Variants in VPS13B observed in about 807,000 individuals in gnomAD.
VPS13B encodes the protein intermembrane lipid transfer protein VPS13B.
In VPS13B, 285 loss-of-function variants were observed where a neutral mutation model predicts 426.4. The observed-to-expected ratio is 0.67, with a 90% CI of 0.61 to 0.74. The LOEUF (loss-of-function observed/expected upper bound fraction) is 0.74, where lower values mean the gene tolerates loss of function less well. Ranked by LOEUF, VPS13B falls within the 30% of genes least tolerant of loss-of-function variation. The pLI, the probability that VPS13B is intolerant of heterozygous loss-of-function variation, is 0.00. For synonymous variants in VPS13B, 1,676 were observed against 1,676.4 expected (o/e 1.00, Z 0.01); for missense variants, 4,537 against 4,782.6 (o/e 0.95, Z 1.51).
chr8:99,247,153 G>A (rs1817268066), intron 17 of VPS13B, among the ~76,000 whole-genome samples: 1 of 151,952 alleles, frequency 6.6e-6, no homozygotes, highest in Non-Finnish European at 1.5e-5. Flanking sequence ...GGGACAGTGT[G>A]GAGCTTTTGC....
rs60664170 is a variant in VPS13B at position 99,111,080 on chromosome 8, GT to G, written c.581-9del. On this transcript the variant is annotated splice_polypyrimidine_tract_variant and intron_variant, in intron 5 of 61. Coordinates refer to ENST00000357162, the MANE Select transcript of VPS13B (RefSeq NM_152564.5). ...GCTAATTTTCCTTTTTACTTAAAAT[GT>G]TTTTTTTTCTTTTTAGCAACTGATT... 30 of 1,569,426 alleles carry G rather than the reference GT, an allele frequency of 1.9e-5. No individual in the cohort carries two copies. The highest frequency in any genetic ancestry group is 1.7e-4 in the Middle Eastern group (1 of 5,716).
chr8:99,048,715 T>A (rs1843361723), intron 3 of VPS13B, among the ~76,000 whole-genome samples: 1 of 151,794 alleles, frequency 6.6e-6, no homozygotes, highest in African/African-American at 2.4e-5. Flanking sequence ...CTCAGGGGGC[T>A]GAGGCAGGAG....
intron 34 of VPS13B, among the ~76,000 whole-genome samples, chr8:99,654,402 G>T (rs1323961931): frequency 3.3e-5 from 5 of 152,094 alleles, no homozygotes; most frequent in Non-Finnish European, 7.4e-5. Context: ...AATTTAACTT[G>T]CAGGCTTTAT....
intron 8 of VPS13B, 141 bp downstream of exon 8, chr8:99,121,586 A>G (rs1847935847): frequency 2.1e-6 from 3 of 1,457,982 alleles, no homozygotes; most frequent in South Asian, 3.0e-5. Flanking sequence ...ACTTCATAAA[A>G]TTACATGGCT....
chr8:99,438,987 T>C (rs1817546165), intron 22 of VPS13B, among the ~76,000 whole-genome samples: 1 of 152,206 alleles, frequency 6.6e-6, no homozygotes, highest in Non-Finnish European at 1.5e-5. Flanking sequence ...TAACACTTAC[T>C]GTGTTAAATA....
chr8:99,382,756 T>C (rs1813885816), intron 19 of VPS13B, among the ~76,000 whole-genome samples: 1 of 152,210 alleles, frequency 6.6e-6, no homozygotes, highest in Non-Finnish European at 1.5e-5. Flanking sequence ...ATTTTCATGT[T>C]GTCTGCAAAG....
At position 99,391,472 on chromosome 8, in the gene VPS13B, T is replaced by C. The variant is rs868772884; in HGVS notation, c.2935-85T>C. Reference sequence around the variant, plus strand: ...AGCCCCAACTTGTGAAGGACTGTCCTCAGTATTGCCATGTTTAACCTTTGC... The same window carrying C: ...AGCCCCAACTTGTGAAGGACTGTCCCCAGTATTGCCATGTTTAACCTTTGC... On this transcript the variant is annotated intron_variant, in intron 20 of 61. Coordinates refer to ENST00000357162, the MANE Select transcript of VPS13B (RefSeq NM_152564.5). 9.4e-6 allele frequency: 15 copies of C among 1,601,926 alleles called. No individual in the cohort carries two copies. In the Middle Eastern group the frequency reaches 1.7e-3, roughly 184 times the overall value.
intron 39 of VPS13B, among the ~76,000 whole-genome samples, chr8:99,732,190 A>G (rs1020665886): frequency 6.6e-6 from 1 of 152,192 alleles, no homozygotes; most frequent in Non-Finnish European, 1.5e-5. Context: ...GCTTAGGTAA[A>G]ATAGAAGTTT....
At chr8:99,220,994 T>G (rs1324857947) in intron 17 of VPS13B, among the ~76,000 whole-genome samples, 1 of 91,860 alleles carries the variant, frequency 1.1e-5, no homozygotes, top group Non-Finnish European at 2.2e-5. Context: ...TGTGTCCATG[T>G]GATCTCATTG....
In VPS13B at chr8:99,877,453, T is replaced by TA. The variant is rs1440650654; in HGVS notation, c.*1788dup. The TA allele has an allele frequency of 6.6e-6, 1 of 152,646 alleles. No individual in the cohort carries two copies. Among genetic ancestry groups the TA allele is most frequent in the Non-Finnish European group, 1.5e-5 (1 of 68,040 alleles). The allele number at this position is 152,646 out of a possible 1,614,324, so 9.5% of individuals were successfully genotyped here. ...CTGACCACCCATAGATGTCTACTGT[T>TA]ACCAGGTTTTACAATGCAAATTTTC... On this transcript the variant is annotated 3_prime_UTR_variant, in exon 62 of 62. Transcript: ENST00000357162.
intron 13 of VPS13B, among the ~76,000 whole-genome samples, chr8:99,144,379 G>A (rs1186558046): frequency 2.0e-5 from 3 of 151,276 alleles, no homozygotes; most frequent in African/African-American, 7.3e-5. Flanking sequence ...CATGGCTGTG[G>A]TCTCCGGGCT....
intron 2 of VPS13B, among the ~76,000 whole-genome samples, chr8:99,033,178 TC>T (rs968972314): frequency 6.6e-6 from 1 of 152,228 alleles, no homozygotes; most frequent in East Asian, 1.9e-4. Context: ...TGTTGCTACT[TC>T]CTTTCAGCCT....
chr8:99,030,279 T>C (rs1842451171), intron 2 of VPS13B, among the ~76,000 whole-genome samples: 1 of 151,412 alleles, frequency 6.6e-6, no homozygotes, highest in South Asian at 2.1e-4. Context: ...TTCAGCGTTG[T>C]TTAGTTATAA....
At chr8:99,534,242 C>T (rs931838986) in intron 30 of VPS13B, among the ~76,000 whole-genome samples, 1 of 152,162 alleles carries the variant, frequency 6.6e-6, no homozygotes, top group Admixed American at 6.5e-5. Context: ...TTGTGGCTTC[C>T]TGTAGCAGGA....
At chr8:99,733,061 T>G (rs1233694949) in intron 39 of VPS13B, among the ~76,000 whole-genome samples, 1 of 152,200 alleles carries the variant, frequency 6.6e-6, no homozygotes, top group African/African-American at 2.4e-5. Context: ...TGTTTGATGT[T>G]CACTGCTCAG....
intron 22 of VPS13B, among the ~76,000 whole-genome samples, chr8:99,432,451 G>A (rs1040113848): frequency 7.2e-5 from 11 of 151,974 alleles, no homozygotes; most frequent in Non-Finnish European, 1.0e-4. Flanking sequence ...AGAGATCTGA[G>A]GTCTTAAATT....
At chr8:99,576,489 A>C (rs917008510) in intron 32 of VPS13B, among the ~76,000 whole-genome samples, 1 of 152,036 alleles carries the variant, frequency 6.6e-6, no homozygotes, top group Non-Finnish European at 1.5e-5. Context: ...TGGAGGAAAA[A>C]ATTGTTTAAC....
intron 33 of VPS13B, among the ~76,000 whole-genome samples, chr8:99,606,505 A>C (rs1490428680): frequency 6.7e-6 from 1 of 149,564 alleles, no homozygotes; most frequent in Non-Finnish European, 1.5e-5. Flanking sequence ...TTTCAAAAAA[A>C]AAAAAAAAAG....
chr8:99,787,661 A>G (rs936406153), intron 43 of VPS13B, among the ~76,000 whole-genome samples: 1 of 152,150 alleles, frequency 6.6e-6, no homozygotes, highest in Non-Finnish European at 1.5e-5. Context: ...TGTTTCCCCA[A>G]AATATAGGCA....
Sources: gnomAD v4.1 joint callset for allele counts (sites outside exome capture counted in the v4.1 genomes callset) on GRCh38, gnomAD v4.1.1 for gene constraint, MANE v1.5 for transcripts, NCBI Gene and HGNC (gene_info 2026-07-23, HGNC 2026-07-21) for gene names.